CRLS1: variants seen among roughly 807,000 people sequenced by gnomAD.
CRLS1 encodes the protein cardiolipin synthase (CMP-forming).
A neutral mutation model predicts 37.0 loss-of-function variants in CRLS1; 24 were observed. The observed-to-expected ratio is 0.65, with a 90% CI of 0.47 to 0.91. The LOEUF is 0.91. Ranked by LOEUF, CRLS1 falls within the 40% of genes least tolerant of loss-of-function variation. The pLI is 0.00. For synonymous variants in CRLS1, 135 were observed against 159.7 expected, an observed-to-expected ratio of 0.85 and a Z score of 1.17; for missense variants, 373 against 395.8, an observed-to-expected ratio of 0.94 and a Z score of 0.49.
At chr20:6,030,826 A>G (rs1195089736) in intron 3 of CRLS1, among the ~76,000 whole-genome samples, 1 of 152,252 alleles carries the variant, frequency 6.6e-6, no homozygotes, top group African/African-American at 2.4e-5. Context: ...CTGAGATTTC[A>G]GAAGAGTTTG....
At chr20:6,029,996 C>T (rs1442103648) in intron 3 of CRLS1, among the ~76,000 whole-genome samples, 5 of 152,130 alleles carry the variant, frequency 3.3e-5, no homozygotes, top group African/African-American at 7.2e-5. Context: ...TAAGTATAGC[C>T]TCCAATAATT....
chr20:6,021,213 C>T (rs867886102), intron 3 of CRLS1, among the ~76,000 whole-genome samples: 17 of 151,840 alleles, frequency 1.1e-4, no homozygotes, highest in Non-Finnish European at 2.2e-4. Flanking sequence ...ATTACAGGTG[C>T]GTGCCACCAT....
intron 2 of CRLS1, among the ~76,000 whole-genome samples, chr20:6,011,583 T>C (rs1164109525): frequency 5.5e-4 from 46 of 83,250 alleles, no homozygotes; most frequent in African/African-American, 2.4e-3. Context: ...TTTTTTTTTT[T>C]TTTTTTTTTT....
intron 1 of CRLS1, among the ~76,000 whole-genome samples, chr20:6,008,869 T>C (rs1331959268): frequency 1.3e-5 from 2 of 152,246 alleles, no homozygotes; most frequent in Non-Finnish European, 2.9e-5. Flanking sequence ...CTGACACTTT[T>C]ACTTGTAAGT....
At chr20:6,012,926 G>A (rs1209213240) in intron 2 of CRLS1, among the ~76,000 whole-genome samples, 1 of 152,164 alleles carries the variant, frequency 6.6e-6, no homozygotes, top group African/African-American at 2.4e-5. Context: ...TTGTGTCGAG[G>A]TCAGGTACTC....
rs1980629135 is a variant in CRLS1, at chr20:6,037,290, C to T, written c.*132C>T. On this transcript the variant is annotated 3_prime_UTR_variant, in exon 7 of 7. Transcript: ENST00000378863. ...GACTTGTCAGAATCAACTGTGTCAT[C>T]AAAATTTAAGTAATGTGCATTGAAA... The T allele has an allele frequency of 4.2e-6, 2 of 478,684 alleles. No homozygotes were observed. The highest frequency in any genetic ancestry group is 3.9e-5 in the African/African-American group (2 of 50,666). The allele number at this position is 478,684 out of a possible 1,614,324, so 29.7% of individuals were successfully genotyped here.
chr20:6,011,310 C>A (rs1192755822), intron 2 of CRLS1, among the ~76,000 whole-genome samples: 2 of 152,014 alleles, frequency 1.3e-5, no homozygotes, highest in Non-Finnish European at 2.9e-5. Flanking sequence ...TTTGTAACAT[C>A]AGCTGTTCTC....
chr20:6,008,728 G>A (rs770988049), intron 1 of CRLS1, among the ~76,000 whole-genome samples: 3 of 152,050 alleles, frequency 2.0e-5, no homozygotes, highest in Non-Finnish European at 4.4e-5. Flanking sequence ...ATCTGTTTTT[G>A]TTCTCTTCAT....
At chr20:6,006,578 G>T in intron 1 of CRLS1, 26 bp downstream of exon 1, 1 of 1,258,224 alleles carries the variant, frequency 7.9e-7, no homozygotes, top group Non-Finnish European at 1.0e-6. Context: ...GCGGCGGCGG[G>T]CCGGCCCTGG....
Position 6,006,227 on chromosome 20 carries a change from C to A in CRLS1, c.-20C>A. On this transcript the variant is annotated 5_prime_UTR_variant, in exon 1 of 7. Coordinates refer to ENST00000378863, the MANE Select transcript of CRLS1 (RefSeq NM_019095.6). ...GCTGAGCTCTCGCCGCCCGAGACCC[C>A]GCGGCGCGGCCGCAGGGCCATGCTA... is the stretch of plus-strand genomic sequence containing the variant. The A allele has an allele frequency of 8.2e-7, 1 of 1,214,304 alleles. No individual in the cohort carries two copies. 75.2% of individuals were successfully genotyped at this position (1,214,304 alleles called of 1,614,324 possible).
rs2090067810 is a variant in CRLS1 at position 6,007,109 on chromosome 20, C to G, written c.306+557C>G. ...TGAGGTAACGGAGGGAAGTATTTGT[C>G]CACTTACCTGTTGATATGCTACCCA... On this transcript the variant is annotated intron_variant, in intron 1 of 6. Coordinates refer to ENST00000378863, the MANE Select transcript of CRLS1 (RefSeq NM_019095.6). 6.8e-6 allele frequency: 4 copies of G among 586,286 alleles called. No homozygotes were observed. The Admixed American group carries it at 1.6e-4, about 23-fold the overall frequency. 36.3% of individuals were successfully genotyped at this position (586,286 alleles called of 1,614,324 possible). A position where few individuals can be genotyped will look rare whatever the true frequency, so the allele number is the denominator to read the frequency against.
intron 3 of CRLS1, among the ~76,000 whole-genome samples, chr20:6,020,862 G>A (rs1229577333): frequency 6.7e-6 from 1 of 149,876 alleles, no homozygotes; most frequent in Non-Finnish European, 1.5e-5. Context: ...TCGATCTCCT[G>A]ACCTCATGAT....
rs1979439320 is a variant in CRLS1 at position 6,023,592 on chromosome 20, G to A, written c.575-7693G>A. Among the ~76,000 whole-genome samples, 5 of 151,688 alleles carry A rather than the reference G, an allele frequency of 3.3e-5. No individual in the cohort carries two copies. The South Asian group carries it at 1.0e-3, about 32-fold the overall frequency. ...TCACCCCATCATAACTGAGCTTCAT[G>A]GATTGATTCTCTTTTTATCTTTCAG... On this transcript the variant is annotated intron_variant, in intron 3 of 6. Transcript: ENST00000378863.
chr20:6,032,697 G>A (rs1385797214), intron 5 of CRLS1, among the ~76,000 whole-genome samples: 1 of 152,198 alleles, frequency 6.6e-6, no homozygotes, highest in African/African-American at 2.4e-5. Context: ...GTTTTCCCGA[G>A]CATTCAGGGC....
At chr20:6,007,441 C>T (rs2090073826) in intron 1 of CRLS1, 2 of 1,607,360 alleles carry the variant, frequency 1.2e-6, no homozygotes, top group South Asian at 1.1e-5. Context: ...GAGATTAGCT[C>T]TCCTAACATT....
At chr20:6,036,893 C>T (rs6053836) in intron 6 of CRLS1, among the ~76,000 whole-genome samples, 181 bp from the exon 7 acceptor site, 38,977 of 152,112 alleles carry the variant, frequency 0.26, 6,930 homozygotes, top group African/African-American at 0.5. Flanking sequence ...TTAAAATGAA[C>T]TCTTAAAGAA....
chr20:6,008,712 A>G (rs1302077853), intron 1 of CRLS1, among the ~76,000 whole-genome samples: 1 of 152,240 alleles, frequency 6.6e-6, no homozygotes, highest in Admixed American at 6.5e-5. Context: ...GAGGTTATAG[A>G]ATTAAATCTG....
At chr20:6,021,653 A>G (rs1238772790) in intron 3 of CRLS1, among the ~76,000 whole-genome samples, 1 of 152,098 alleles carries the variant, frequency 6.6e-6, no homozygotes, top group Non-Finnish European at 1.5e-5. Flanking sequence ...AATAAAACCC[A>G]TTTTGTCTTA....
intron 3 of CRLS1, among the ~76,000 whole-genome samples, chr20:6,018,086 C>T (rs753588475): frequency 4.0e-5 from 6 of 151,640 alleles, no homozygotes; most frequent in Non-Finnish European, 8.8e-5. Flanking sequence ...TGTGGTGGCA[C>T]GTGCCTGTAA....
Sources: gnomAD v4.1 joint callset for allele counts (sites outside exome capture counted in the v4.1 genomes callset) on GRCh38, gnomAD v4.1.1 for gene constraint, MANE v1.5 for transcripts, NCBI Gene and HGNC (gene_info 2026-07-23, HGNC 2026-07-21) for gene names.